Variants in CFDP1 observed in about 807,000 individuals in gnomAD.
CFDP1 encodes chromatin remodeling protein CFDP1.
CFDP1 carries 31 observed loss-of-function variants against 40.1 expected under a neutral mutation model. That is an observed-to-expected ratio of 0.77 (90% CI 0.58 to 1.04). CFDP1 has a LOEUF of 1.04. Ranked by LOEUF, CFDP1 falls within the 50% of genes least tolerant of loss-of-function variation. The probability of loss-of-function intolerance (pLI) is 0.00; values close to 1 mark genes in which losing one functional copy is unlikely to be tolerated. For synonymous variants in CFDP1, 167 were observed against 120.0 expected, an observed-to-expected ratio of 1.39 and a Z score of -2.56; for missense variants, 423 against 343.4, an observed-to-expected ratio of 1.23 and a Z score of -1.83.
intron 1 of CFDP1, among the ~76,000 whole-genome samples, chr16:75,428,089 G>A (rs1170503707): frequency 6.6e-6 from 1 of 151,848 alleles, no homozygotes; most frequent in Non-Finnish European, 1.5e-5. Context: ...GGCCGGGGGT[G>A]AGGGAGAGTT....
chr16:75,305,207 G>A (rs970503957), intron 5 of CFDP1, 25 bp from the exon 6 acceptor site: 1 of 1,610,742 alleles, frequency 6.2e-7, no homozygotes, highest in Non-Finnish European at 8.5e-7. Flanking sequence ...TATGAAAGAT[G>A]TAGCAGGTAA....
At chr16:75,376,918 G>C (rs1408704639) in intron 5 of CFDP1, among the ~76,000 whole-genome samples, 1 of 152,208 alleles carries the variant, frequency 6.6e-6, no homozygotes, top group Non-Finnish European at 1.5e-5. Flanking sequence ...TAATCTGCAT[G>C]TAATTAAAAG....
At chr16:75,354,791 A>C (rs1223378144) in intron 5 of CFDP1, among the ~76,000 whole-genome samples, 1 of 152,232 alleles carries the variant, frequency 6.6e-6, no homozygotes, top group East Asian at 1.9e-4. Flanking sequence ...GGAAAATGGG[A>C]AATTATAATA....
intron 5 of CFDP1, among the ~76,000 whole-genome samples, chr16:75,315,331 CAAAAAAAAAAAAAAAAA>C (rs758174791): frequency 1.0e-4 from 5 of 47,796 alleles, no homozygotes; most frequent in Admixed American, 4.0e-4. Context: ...GACCCTATCT[CAAAAAAAAAAAAAAAAA>C]AAAAAAAAAA....
chr16:75,398,544 C>G (rs2151568141), intron 4 of CFDP1, among the ~76,000 whole-genome samples: 1 of 152,328 alleles, frequency 6.6e-6, no homozygotes, highest in South Asian at 2.1e-4. Flanking sequence ...CATGCTTCCA[C>G]CTGGCATGCT....
chr16:75,430,746 G>A (rs913078080), intron 1 of CFDP1, among the ~76,000 whole-genome samples: 2 of 152,180 alleles, frequency 1.3e-5, no homozygotes, highest in Non-Finnish European at 2.9e-5. Flanking sequence ...TTATAGGCTC[G>A]AGCCACTGCT....
chr16:75,320,947 C>G (rs1177507230), intron 5 of CFDP1, among the ~76,000 whole-genome samples: 2 of 152,066 alleles, frequency 1.3e-5, no homozygotes, highest in African/African-American at 2.4e-5. Context: ...GCTGGAAAAT[C>G]TGATGACTTA....
At chr16:75,308,781 G>A (rs1404552773) in intron 5 of CFDP1, among the ~76,000 whole-genome samples, 1 of 152,204 alleles carries the variant, frequency 6.6e-6, no homozygotes, top group Non-Finnish European at 1.5e-5. Context: ...AGCTCCAGTG[G>A]TATTCCTGGG....
At chr16:75,432,361 T>G (rs1291880884) in intron 1 of CFDP1, among the ~76,000 whole-genome samples, 1 of 104,298 alleles carries the variant, frequency 9.6e-6, no homozygotes, top group Non-Finnish European at 1.9e-5. Context: ...CATAGCAAGA[T>G]GCCATTTCTA....
chr16:75,409,826 G>T (rs2079140720), intron 4 of CFDP1, among the ~76,000 whole-genome samples: 1 of 152,080 alleles, frequency 6.6e-6, no homozygotes, highest in Non-Finnish European at 1.5e-5. Flanking sequence ...GGTGTTTGTT[G>T]TAATACTATT....
At chr16:75,421,255 T>C (rs1361627435) in intron 1 of CFDP1, among the ~76,000 whole-genome samples, 1 of 152,050 alleles carries the variant, frequency 6.6e-6, no homozygotes, top group East Asian at 1.9e-4. Flanking sequence ...TCCCCCTTTT[T>C]TCCCTTTTCA....
chr16:75,299,874 C>A (rs546144274), intron 6 of CFDP1, among the ~76,000 whole-genome samples: 4 of 152,076 alleles, frequency 2.6e-5, no homozygotes, highest in Non-Finnish European at 5.9e-5. Flanking sequence ...TGGGGGTACT[C>A]TAGAGTGCCA....
chr16:75,377,123 C>A (rs532207558), intron 5 of CFDP1, among the ~76,000 whole-genome samples: 1 of 151,550 alleles, frequency 6.6e-6, no homozygotes, highest in South Asian at 2.1e-4. Context: ...TAAGCCCCAA[C>A]TGGGGGCTTG....
intron 5 of CFDP1, among the ~76,000 whole-genome samples, chr16:75,380,375 G>A (rs1241313248): frequency 6.6e-6 from 1 of 152,126 alleles, no homozygotes; most frequent in African/African-American, 2.4e-5. Context: ...TAGAGCACAT[G>A]AGCTGAAATA....
At chr16:75,343,444 G>T (rs1382736738) in intron 5 of CFDP1, among the ~76,000 whole-genome samples, 1 of 152,114 alleles carries the variant, frequency 6.6e-6, no homozygotes. Context: ...CAGCAAAAAA[G>T]GTGCAGTTAG....
intron 5 of CFDP1, among the ~76,000 whole-genome samples, chr16:75,337,190 G>A (rs1473765327): frequency 7.9e-5 from 12 of 152,236 alleles, no homozygotes; most frequent in Non-Finnish European, 1.6e-4. Flanking sequence ...TGATCCAGCT[G>A]AAAGGGAGAA....
chr16:75,342,195 A>G (rs139637550), intron 5 of CFDP1, among the ~76,000 whole-genome samples: 1 of 152,282 alleles, frequency 6.6e-6, no homozygotes, highest in African/African-American at 2.4e-5. Flanking sequence ...GTTAACATCG[A>G]AGTTTACTTT....
At chr16:75,307,841 CAAGCCACCATATT>C (rs2078269056) in intron 5 of CFDP1, among the ~76,000 whole-genome samples, 1 of 152,190 alleles carries the variant, frequency 6.6e-6, no homozygotes, top group African/African-American at 2.4e-5. Flanking sequence ...ATTATAGGCA[CAAGCCACCATATT>C]AAGCCTTATC....
chr16:75,413,886 T>C (rs2079183179), intron 2 of CFDP1, among the ~76,000 whole-genome samples: 1 of 152,184 alleles, frequency 6.6e-6, no homozygotes, highest in African/African-American at 2.4e-5. Context: ...ATTGCATATA[T>C]AACCTTAGAT....
Sources: allele counts gnomAD v4.1 joint callset (sites outside exome capture counted in the v4.1 genomes callset), GRCh38; gene constraint gnomAD v4.1.1; transcripts MANE v1.5; gene names NCBI Gene and HGNC (gene_info 2026-07-23, HGNC 2026-07-21).